Variants in NUTM2D observed in about 807,000 individuals in gnomAD.
NUTM2D encodes the protein NUT family member 2D, also known as NUT family member 2A pseudogene.
A neutral mutation model predicts 43.5 loss-of-function variants in NUTM2D; 2 were observed. The ratio of observed to expected loss-of-function variants is 0.05; its 90% CI spans 0.02 to 0.14. NUTM2D has a LOEUF of 0.14. Among genes scored for constraint, NUTM2D ranks in the 10% least tolerant of loss-of-function variants. The pLI is 1.00. For missense variants in NUTM2D, 48 were observed against 668.7 expected, an observed-to-expected ratio of 0.07 and a Z score of 10.24; for synonymous variants, 24 against 276.6, an observed-to-expected ratio of 0.09 and a Z score of 9.06.
At chr10:87,369,505 C>T (rs534336605), downstream of NUTM2D, 90 of 151,594 alleles carry the variant, frequency 5.9e-4, no homozygotes, top group African/African-American at 2.1e-3. Flanking sequence ...AGGACAAAGT[C>T]CATAATCTCA....
chr10:87,367,591 G>A (rs1850315118), downstream of NUTM2D: 1 of 573,588 alleles, frequency 1.7e-6, no homozygotes, highest in South Asian at 2.0e-5. Flanking sequence ...TCATCAGGAA[G>A]AGCGCGGGCA....
At chr10:87,359,822 G>T (rs967995216) in intron 1 of NUTM2D, among the ~76,000 whole-genome samples, 10 of 151,918 alleles carry the variant, frequency 6.6e-5, no homozygotes, top group Non-Finnish European at 1.5e-4. Context: ...CTGCGGAAAG[G>T]GTGGCCCGAA....
At chr10:87,369,872 T>A (rs891544296), downstream of NUTM2D, 1 of 151,846 alleles carries the variant, frequency 6.6e-6, no homozygotes, top group African/African-American at 2.4e-5. Context: ...GGATGACAGA[T>A]CCCCGAAGAA....
At chr10:87,369,089 C>A (rs1419766790), downstream of NUTM2D, 41 of 110,540 alleles carry the variant, frequency 3.7e-4, no homozygotes, top group African/African-American at 1.4e-3. Context: ...ACAATCTGCC[C>A]CTAAATGGGC....
At chr10:87,367,441 C>G, downstream of NUTM2D, 1 of 1,536,842 alleles carries the variant, frequency 6.5e-7, no homozygotes, top group South Asian at 1.1e-5. Flanking sequence ...TCTTGGGGCC[C>G]CCTCATCGTT....
rs778917704 is a variant in NUTM2D at position 87,360,813 on chromosome 10, G to A, written c.499G>A (p.Gly167Arg). Reference sequence around the variant, plus strand: ...CTGGCAGGCTCCAGGCGCCCTCTGCGGAGGTGTTGTGTGTCCACCTCCCCT... The same window carrying A: ...CTGGCAGGCTCCAGGCGCCCTCTGCAGAGGTGTTGTGTGTCCACCTCCCCT... ...LVWQAPGALC[G>R]GVVCPPPLLL... The change falls in exon 2 of 7, where the codon GGA becomes AGA. Residue 167 changes from glycine to arginine, a missense_variant. By Grantham distance (125) the Gly-to-Arg change is moderately radical (BLOSUM62 -2). Transcript: ENST00000381697. 30 of 659,106 alleles carry A rather than the reference G, an allele frequency of 4.6e-5. 2 individuals are homozygous for A. The highest frequency in any genetic ancestry group is 2.1e-4 in the South Asian group (8 of 37,362). The allele number at this position is 659,106 out of a possible 1,614,324, so 40.8% of individuals were successfully genotyped here.
downstream of NUTM2D, chr10:87,370,048 T>C (rs1456721408): frequency 6.6e-6 from 1 of 152,320 alleles, no homozygotes; most frequent in East Asian, 1.9e-4. Flanking sequence ...GCCCTATGAA[T>C]GGAATATACA....
intron 2 of NUTM2D, among the ~76,000 whole-genome samples, chr10:87,361,606 G>A (rs543006265): frequency 0.01 from 532 of 52,976 alleles, 220 homozygotes; most frequent in African/African-American, 0.029. Context: ...CAGGAACCTG[G>A]CACATGCCCG....
chr10:87,370,695 GA>G (rs1032995800), downstream of NUTM2D: 5 of 152,170 alleles, frequency 3.3e-5, no homozygotes, highest in African/African-American at 1.2e-4. Context: ...TGCTTTACAA[GA>G]TATAATTTGC....
chr10:87,367,471 C>T (rs953274791), downstream of NUTM2D: 15 of 1,287,046 alleles, frequency 1.2e-5, no homozygotes, highest in African/African-American at 2.2e-4. Flanking sequence ...CCTGGAAAAT[C>T]CTGGGATTGG....
At chr10:87,359,860 G>T (rs1185958715) in intron 1 of NUTM2D, among the ~76,000 whole-genome samples, 1 of 152,242 alleles carries the variant, frequency 6.6e-6, no homozygotes, top group Non-Finnish European at 1.5e-5. Context: ...ACTTGCTGTG[G>T]GTGGTGCCAG....
At chr10:87,359,780 G>C (rs1850246610) in intron 1 of NUTM2D, among the ~76,000 whole-genome samples, 1 of 147,298 alleles carries the variant, frequency 6.8e-6, no homozygotes, top group African/African-American at 2.5e-5. Flanking sequence ...TGGGAACAGA[G>C]CTTCCTGAGT....
downstream of NUTM2D, chr10:87,368,991 T>A (rs1226883458): frequency 8.1e-6 from 1 of 122,932 alleles, no homozygotes; most frequent in African/African-American, 3.1e-5. Context: ...CTGTTGTCTA[T>A]CCCACTGTCC....
chr10:87,369,886 A>T (rs1850338478), downstream of NUTM2D: 1 of 152,026 alleles, frequency 6.6e-6, no homozygotes, highest in Non-Finnish European at 1.5e-5. Flanking sequence ...CGAAGAAGCC[A>T]TAGCCTCCTG....
chr10:87,369,566 A>G (rs1057024556), downstream of NUTM2D: 4 of 152,180 alleles, frequency 2.6e-5, no homozygotes, highest in Admixed American at 1.3e-4. Flanking sequence ...GAGCCACGGG[A>G]AAGAAAGGCT....
intron 4 of NUTM2D, 21 bp from the exon 5 acceptor site, chr10:87,364,800 C>T: frequency 2.2e-6 from 1 of 463,418 alleles, no homozygotes; most frequent in East Asian, 6.9e-5. Context: ...CCACGCCCGT[C>T]CTCCTCCCTC....
chr10:87,367,153 G>A lies in NUTM2D; in HGVS notation c.*229G>A. ...TGGGGGTGGGAAGCAGTGTGTTGGG[G>A]GCCTCGTGTGTAAGTGTGAATAAAT... On this transcript the variant is annotated 3_prime_UTR_variant, in exon 7 of 7. Transcript: ENST00000381697. 1 of 847,056 alleles carries A rather than the reference G, an allele frequency of 1.2e-6. No individual in the cohort carries two copies. The highest frequency in any genetic ancestry group is 1.7e-6 in the Non-Finnish European group (1 of 595,442). The allele number at this position is 847,056 out of a possible 1,614,324, so 52.5% of individuals were successfully genotyped here.
At chr10:87,358,659 C>G (rs1181183715) in intron 1 of NUTM2D, among the ~76,000 whole-genome samples, 1 of 139,194 alleles carries the variant, frequency 7.2e-6, no homozygotes, top group African/African-American at 2.8e-5. Flanking sequence ...GGGAATACAC[C>G]GTGTAGGAGA....
downstream of NUTM2D, chr10:87,367,682 CCTT>C (rs1484459025): frequency 9.9e-6 from 4 of 405,482 alleles, no homozygotes; most frequent in East Asian, 7.9e-5. Context: ...CAGGGGAAGT[CCTT>C]CTGCCTGTTT....
Sources: gnomAD v4.1 joint callset for allele counts (sites outside exome capture counted in the v4.1 genomes callset) on GRCh38, gnomAD v4.1.1 for gene constraint, MANE v1.5 for transcripts, NCBI Gene and HGNC (gene_info 2026-07-23, HGNC 2026-07-21) for gene names.